DNAH6: variants seen among roughly 807,000 people sequenced by gnomAD.
The protein encoded by DNAH6 is axonemal beta dynein heavy chain 6.
In DNAH6, 340 loss-of-function variants were observed where a neutral mutation model predicts 491.4. The observed-to-expected ratio is 0.69, with a 90% CI of 0.63 to 0.76. DNAH6 has a LOEUF of 0.76. Ranked by LOEUF, DNAH6 falls within the 30% of genes least tolerant of loss-of-function variation. The probability of loss-of-function intolerance (pLI) is 0.00; values close to 1 mark genes in which losing one functional copy is unlikely to be tolerated. For synonymous variants in DNAH6, 1,603 were observed against 1,686.1 expected, an observed-to-expected ratio of 0.95 and a Z score of 1.21; for missense variants, 4,443 against 4,972.2, an observed-to-expected ratio of 0.89 and a Z score of 3.20.
the DNAH6 span, among the ~76,000 whole-genome samples, chr2:84,484,907 G>A: frequency 1.2e-4 from 18 of 152,152 alleles, no homozygotes; most frequent in African/African-American, 4.3e-4. Flanking sequence ...CAGACTAAAT[G>A]ATATCAACAG....
intron 56 of DNAH6, 35 bp downstream of exon 56, chr2:84,710,447 C>A (rs1236239877): frequency 6.5e-7 from 1 of 1,548,084 alleles, no homozygotes; most frequent in Admixed American, 2.0e-5. Flanking sequence ...ATGTCAGTTC[C>A]CAACTTTCAA....
chr2:84,608,049 C>T (rs12469167), intron 21 of DNAH6, among the ~76,000 whole-genome samples: 122,718 of 152,144 alleles, frequency 0.81, 52,187 homozygotes, highest in East Asian at 0.99. Context: ...AGCATTTTCA[C>T]CAGGAATAGA....
chr2:84,557,656 C>CATAAAAAAAA (rs1680188683), intron 10 of DNAH6, 79 bp from the exon 11 acceptor site: 1 of 62,046 alleles, frequency 1.6e-5, no homozygotes, highest in African/African-American at 6.3e-5. Flanking sequence ...GACTCCGTCT[C>CATAAAAAAAA]AAAAAAAAAA....
chr2:84,552,910 C>G lies in DNAH6; in HGVS notation c.1486-8C>G. On this transcript the variant is annotated splice_polypyrimidine_tract_variant and splice_region_variant and intron_variant, in intron 9 of 76. Transcript: ENST00000389394. ...GTCTTTATAACACTGTACATATATT[C>G]ATTTCAGGGGACCCTTATGGTGGAA... 6.4e-7 allele frequency: 1 copy of G among 1,559,394 alleles called. No homozygotes were observed. The highest frequency in any genetic ancestry group is 8.8e-7 in the Non-Finnish European group (1 of 1,134,822).
intron 64 of DNAH6, among the ~76,000 whole-genome samples, chr2:84,768,351 TAG>T (rs968170758): frequency 1.3e-5 from 2 of 151,710 alleles, no homozygotes; most frequent in East Asian, 1.9e-4. Flanking sequence ...ACTGATTAAA[TAG>T]AGAGAGTCTA....
chr2:84,581,141 T>G (rs1682984996), intron 14 of DNAH6, among the ~76,000 whole-genome samples: 1 of 152,240 alleles, frequency 6.6e-6, no homozygotes, highest in Non-Finnish European at 1.5e-5. Context: ...TTCTGTTCTA[T>G]AAACTATGTC....
the DNAH6 span, among the ~76,000 whole-genome samples, chr2:84,503,705 C>T: frequency 6.7e-6 from 1 of 149,060 alleles, no homozygotes; most frequent in Non-Finnish European, 1.5e-5. Flanking sequence ...TTTTCTTCAA[C>T]ACTTTAAATG....
chr2:84,638,677 A>T (rs775762324), intron 31 of DNAH6, among the ~76,000 whole-genome samples: 13 of 152,320 alleles, frequency 8.5e-5, no homozygotes, highest in Non-Finnish European at 1.8e-4. Context: ...TACAACCTAT[A>T]TTAGGGTATT....
intron 4 of DNAH6, among the ~76,000 whole-genome samples, chr2:84,541,934 G>A (rs1460698): frequency 0.9 from 136,593 of 152,226 alleles, 61,606 homozygotes; most frequent in East Asian, 0.99. Context: ...TAAGCACCCC[G>A]GATGATTTTG....
At chr2:84,792,747 G>A (rs531159799) in intron 68 of DNAH6, among the ~76,000 whole-genome samples, 1 of 152,172 alleles carries the variant, frequency 6.6e-6, no homozygotes, top group South Asian at 2.1e-4. Context: ...ACAAACATTG[G>A]TTAGCAATTA....
chr2:84,771,288 CAA>C (rs996933035), intron 64 of DNAH6, among the ~76,000 whole-genome samples: 1 of 117,586 alleles, frequency 8.5e-6, no homozygotes, highest in Non-Finnish European at 1.8e-5. Flanking sequence ...AACTCAGTCT[CAA>C]AAAAAAAAAA....
At chr2:84,659,519 T>G (rs189890840) in intron 37 of DNAH6, among the ~76,000 whole-genome samples, 224 of 152,320 alleles carry the variant, frequency 1.5e-3, no homozygotes, top group African/African-American at 5.2e-3. Context: ...ATTCTAAGAT[T>G]GACTAAATAA....
intron 11 of DNAH6, among the ~76,000 whole-genome samples, chr2:84,571,404 AAT>A (rs1244905447): frequency 1.3e-5 from 2 of 152,226 alleles, no homozygotes; most frequent in Non-Finnish European, 2.9e-5. Context: ...TGCCTTAGCC[AAT>A]GTGTTAGTAT....
At chr2:84,610,600 T>C (rs1686231373) in intron 21 of DNAH6, among the ~76,000 whole-genome samples, 1 of 152,218 alleles carries the variant, frequency 6.6e-6, no homozygotes, top group South Asian at 2.1e-4. Flanking sequence ...CTTACACTAA[T>C]CTCATTTTGT....
At chr2:84,605,415 T>A in intron 19 of DNAH6, 85 bp from the exon 20 acceptor site, 2 of 930,756 alleles carry the variant, frequency 2.1e-6, no homozygotes, top group Non-Finnish European at 1.6e-6. Flanking sequence ...AATTATGGAG[T>A]TTTTATTTAT....
chr2:84,699,716 C>T lies in DNAH6; in HGVS notation c.7800C>T (p.Thr2600=). 4.5e-6 allele frequency: 7 copies of T among 1,551,494 alleles called. No individual in the cohort carries two copies. Among genetic ancestry groups the T allele is most frequent in the East Asian group, 2.4e-5 (1 of 40,912 alleles). The change falls in exon 48 of 77, where the codon ACC becomes ACT. Residue 2600 remains threonine (T), a synonymous_variant. Transcript: ENST00000389394. ...RMFPSLVNCC[T]IDWFVQWPRE... is the part of the protein sequence containing the mutation. ...TTCCATCCCTTGTGAATTGCTGCAC[C>T]ATTGACTGGTTTGTGCAGGTTGGTG...
chr2:84,781,692 T>C lies in DNAH6; in HGVS notation c.10864+39T>C. The C allele has an allele frequency of 2.0e-6, 3 of 1,503,616 alleles. No homozygotes were observed. In the South Asian group the frequency reaches 3.8e-5, roughly 19 times the overall value. The allele number at this position is 1,503,616 out of a possible 1,614,324, so 93.1% of individuals were successfully genotyped here. A position where few individuals can be genotyped will look rare whatever the true frequency, so the allele number is the denominator to read the frequency against. On this transcript the variant is annotated intron_variant, in intron 65 of 76. Coordinates refer to ENST00000389394, the MANE Select transcript of DNAH6 (RefSeq NM_001370.2). ...ATAGCCCTTGCATAATAATCACATT[T>C]TTATGTAACCTTTTCTTGTTGAATT...
In DNAH6 at chr2:84,584,394, T is replaced by C. The variant is rs1478929905; in HGVS notation, c.2481+144T>C. 5.7e-6 allele frequency: 5 copies of C among 871,754 alleles called. No homozygotes were observed. In the East Asian group the frequency reaches 1.1e-4, roughly 19 times the overall value. The allele number at this position is 871,754 out of a possible 1,614,324, so 54.0% of individuals were successfully genotyped here. A position where few individuals can be genotyped will look rare whatever the true frequency, so the allele number is the denominator to read the frequency against. Reference sequence around the variant, plus strand: ...TTTGATATACGTATACATTGTGAAATTGTTAATCAAGCTAATTAATGTGTC... The same window carrying C: ...TTTGATATACGTATACATTGTGAAACTGTTAATCAAGCTAATTAATGTGTC... On this transcript the variant is annotated intron_variant, in intron 15 of 76. Transcript: ENST00000389394.
chr2:84,504,345 C>T, the DNAH6 span, among the ~76,000 whole-genome samples: 1 of 152,154 alleles, frequency 6.6e-6, no homozygotes, highest in Non-Finnish European at 1.5e-5. Context: ...GTTTCCTCAA[C>T]ACAGCTATTT....
Sources: gnomAD v4.1 joint callset for allele counts (sites outside exome capture counted in the v4.1 genomes callset) on GRCh38, gnomAD v4.1.1 for gene constraint, MANE v1.5 for transcripts, NCBI Gene and HGNC (gene_info 2026-07-23, HGNC 2026-07-21) for gene names.